Variants in FBXO4 observed in about 807,000 individuals in gnomAD.
The protein encoded by FBXO4 is F-box only protein 4.
In FBXO4, 36 loss-of-function variants were observed where a neutral mutation model predicts 43.7. The observed-to-expected ratio is 0.82, with a 90% CI of 0.63 to 1.09. FBXO4 has a LOEUF of 1.09. Among genes scored for constraint, FBXO4 ranks in the 50% least tolerant of loss-of-function variants. The pLI is 0.00. For synonymous variants in FBXO4, 180 were observed against 165.6 expected (o/e 1.09, Z -0.67); for missense variants, 435 against 474.1 (o/e 0.92, Z 0.77).
At chr5:41,992,870 A>G in the FBXO4 span, among the ~76,000 whole-genome samples, 1 of 152,204 alleles carries the variant, frequency 6.6e-6, no homozygotes. Context: ...GAAGACTTCT[A>G]GTTATAGTAT....
At chr5:41,972,599 A>G in the FBXO4 span, among the ~76,000 whole-genome samples, 1 of 152,194 alleles carries the variant, frequency 6.6e-6, no homozygotes, top group African/African-American at 2.4e-5. Flanking sequence ...AACCAAAAAA[A>G]TAAGCCTGAA....
At chr5:41,992,523 A>T in the FBXO4 span, among the ~76,000 whole-genome samples, 1 of 152,196 alleles carries the variant, frequency 6.6e-6, no homozygotes, top group African/African-American at 2.4e-5. Flanking sequence ...ATAATCCCAG[A>T]GCTAACATTT....
At chr5:41,991,000 C>T in the FBXO4 span, among the ~76,000 whole-genome samples, 5 of 152,264 alleles carry the variant, frequency 3.3e-5, no homozygotes, top group South Asian at 1.0e-3. Flanking sequence ...AGGACAAAAG[C>T]CAAAGTCTAG....
chr5:41,936,975 G>T (rs925792703), intron 5 of FBXO4, among the ~76,000 whole-genome samples: 2 of 152,028 alleles, frequency 1.3e-5, no homozygotes, highest in African/African-American at 4.8e-5. Flanking sequence ...TAAATGAATG[G>T]ACAGACTGTT....
At chr5:41,941,159 T>C (rs769354077) in intron 6 of FBXO4, 33 bp from the exon 7 acceptor site, 28 of 1,576,114 alleles carry the variant, frequency 1.8e-5, no homozygotes, top group Non-Finnish European at 1.7e-6. Flanking sequence ...ACTTAGTTTC[T>C]TACTAACAAC....
chr5:41,966,154 G>C, the FBXO4 span, among the ~76,000 whole-genome samples: 1 of 152,090 alleles, frequency 6.6e-6, no homozygotes, highest in African/African-American at 2.4e-5. Context: ...TTGTGGGGTG[G>C]GGGCAAGGGG....
At chr5:42,011,146 A>G in the FBXO4 span, among the ~76,000 whole-genome samples, 1 of 152,316 alleles carries the variant, frequency 6.6e-6, no homozygotes, top group East Asian at 1.9e-4. Context: ...TTCATCTGCA[A>G]ACTTGCTGTG....
chr5:41,954,417 C>G, the FBXO4 span, among the ~76,000 whole-genome samples: 1 of 152,128 alleles, frequency 6.6e-6, no homozygotes, highest in African/African-American at 2.4e-5. Flanking sequence ...CATTGTTATG[C>G]AATTTGAAAT....
chr5:41,957,321 C>G, the FBXO4 span, among the ~76,000 whole-genome samples: 1 of 150,990 alleles, frequency 6.6e-6, no homozygotes, highest in Non-Finnish European at 1.5e-5. Context: ...GTGTTTTAGT[C>G]TGAATAATTT....
intron 3 of FBXO4, among the ~76,000 whole-genome samples, chr5:41,933,074 A>C (rs373807688): frequency 4.3e-4 from 65 of 152,304 alleles, no homozygotes; most frequent in African/African-American, 1.5e-3. Flanking sequence ...TATTAGTTCA[A>C]CTTCTTTTTG....
chr5:42,015,163 C>T, the FBXO4 span, among the ~76,000 whole-genome samples: 1 of 152,128 alleles, frequency 6.6e-6, no homozygotes, highest in South Asian at 2.1e-4. Flanking sequence ...TATTGCTATG[C>T]ACAACAATTA....
At chr5:41,977,043 G>T in the FBXO4 span, among the ~76,000 whole-genome samples, 174 of 152,332 alleles carry the variant, frequency 1.1e-3, no homozygotes, top group African/African-American at 4.1e-3. Flanking sequence ...GTCCTGTTGA[G>T]CTAGAGCTGC....
chr5:41,928,833 C>G (rs1358429996), intron 2 of FBXO4: 1 of 152,140 alleles, frequency 6.6e-6, no homozygotes, highest in African/African-American at 2.4e-5. Flanking sequence ...TTTTGTTAAC[C>G]AGCTTGACTT....
intron 2 of FBXO4, among the ~76,000 whole-genome samples, chr5:41,928,072 T>C (rs1478249221): frequency 1.3e-5 from 2 of 152,212 alleles, no homozygotes; most frequent in African/African-American, 4.8e-5. Flanking sequence ...ATTCAGAGCC[T>C]TTCCTTATTC....
the FBXO4 span, among the ~76,000 whole-genome samples, chr5:41,971,205 G>T: frequency 7.5e-5 from 11 of 147,470 alleles, no homozygotes; most frequent in South Asian, 1.9e-3. Context: ...ACTAGAGAGA[G>T]GTGTGTGTGT....
At chr5:41,939,232 T>G (rs1751933230) in intron 5 of FBXO4, 1 of 420,490 alleles carries the variant, frequency 2.4e-6, no homozygotes, top group African/African-American at 2.0e-5. Context: ...GGTAGTGACA[T>G]CTACAGAATT....
chr5:41,942,828 T>G (rs1752024894), downstream of FBXO4, among the ~76,000 whole-genome samples: 1 of 152,150 alleles, frequency 6.6e-6, no homozygotes, highest in Non-Finnish European at 1.5e-5. Context: ...TTGATGATTT[T>G]GACAAGTACA....
chr5:41,935,813 C>G (rs939576222), intron 5 of FBXO4, among the ~76,000 whole-genome samples: 3 of 152,102 alleles, frequency 2.0e-5, no homozygotes, highest in African/African-American at 7.2e-5. Flanking sequence ...CTTGCCTCTT[C>G]CCCATAACCC....
chr5:42,036,257 T>C, the FBXO4 span, among the ~76,000 whole-genome samples: 1 of 151,112 alleles, frequency 6.6e-6, no homozygotes, highest in African/African-American at 2.4e-5. Context: ...AGTGGATGGG[T>C]ATGTGAGGAA....
Sources: allele counts gnomAD v4.1 joint callset (sites outside exome capture counted in the v4.1 genomes callset), GRCh38; gene constraint gnomAD v4.1.1; transcripts MANE v1.5; gene names NCBI Gene and HGNC (gene_info 2026-07-23, HGNC 2026-07-21).